The following RHPN1 variants were observed in gnomAD, a reference collection of about 807,000 sequenced individuals.
The protein encoded by RHPN1 is rhophilin Rho GTPase binding protein 1, also known as rhophilin-1.
A neutral mutation model predicts 74.7 loss-of-function variants in RHPN1; 77 were observed. The ratio of observed to expected loss-of-function variants is 1.03; its 90% CI spans 0.86 to 1.25. RHPN1 has a LOEUF of 1.25. RHPN1 is among the 50% of genes most tolerant of loss of function. The pLI is 0.00. For missense variants in RHPN1, 987 were observed against 932.2 expected (o/e 1.06, Z -0.77); for synonymous variants, 444 against 414.5 (o/e 1.07, Z -0.87).
intron 1 of RHPN1, among the ~76,000 whole-genome samples, chr8:143,372,219 G>T (rs1274211955): frequency 3.3e-5 from 5 of 152,048 alleles, no homozygotes; most frequent in Non-Finnish European, 7.4e-5. Flanking sequence ...CGGGGAGGGG[G>T]TGTAGCTGCG....
chr8:143,366,832 T>A (rs1194045438), upstream of RHPN1: 1 of 152,198 alleles, frequency 6.6e-6, no homozygotes, highest in Non-Finnish European at 1.5e-5. Flanking sequence ...GTCACTGATA[T>A]GGTAATGCCT....
chr8:143,382,732 C>T lies in RHPN1; in HGVS notation c.*81C>T. On this transcript the variant is annotated 3_prime_UTR_variant, in exon 15 of 15. Coordinates refer to ENST00000289013, the MANE Select transcript of RHPN1 (RefSeq NM_052924.3). ...CATGCCCTCCCCACCCAGAGGACCT[C>T]CGGGCAATGCCTGTCCCGCCTCATG... 1 of 1,203,336 alleles carries T rather than the reference C, an allele frequency of 8.3e-7. No homozygotes were observed. The highest frequency in any genetic ancestry group is 1.2e-6 in the Non-Finnish European group (1 of 858,522). 74.5% of individuals were successfully genotyped at this position (1,203,336 alleles called of 1,614,324 possible).
At chr8:143,371,172 GGCGTGCGT>G (rs1817796649) in intron 1 of RHPN1, among the ~76,000 whole-genome samples, 1 of 152,180 alleles carries the variant, frequency 6.6e-6, no homozygotes, top group African/African-American at 2.4e-5. Flanking sequence ...TGATTCCTCT[GGCGTGCGT>G]GCTGCTTATA....
At position 143,378,600 on chromosome 8, in the gene RHPN1, G is replaced by A. The variant is rs562873685; in HGVS notation, c.460-96G>A. On this transcript the variant is annotated intron_variant, in intron 5 of 14. Coordinates refer to ENST00000289013, the MANE Select transcript of RHPN1 (RefSeq NM_052924.3). ...AGGGCCCCACTGGCTTTGCCTCCCC[G>A]CCCCCCATGGTGCTGGTGCCCATGG... is the stretch of plus-strand genomic sequence containing the variant. 2.2e-4 allele frequency: 326 copies of A among 1,449,830 alleles called. 2 individuals are homozygous for A. In the African/African-American group the frequency reaches 3.3e-3, roughly 15 times the overall value. 89.8% of individuals were successfully genotyped at this position (1,449,830 alleles called of 1,614,324 possible).
At position 143,379,986 on chromosome 8, in the gene RHPN1, G is replaced by A. The variant is rs543746385; in HGVS notation, c.1102+1G>A. The A allele has an allele frequency of 2.8e-5, 43 of 1,559,216 alleles. No individual in the cohort carries two copies. The highest frequency in any genetic ancestry group is 3.3e-5 in the Non-Finnish European group (38 of 1,152,750). Reference sequence around the variant, plus strand: ...GCCATGGCCCTCTGCGACGGCTCCCGTGAGTGCCCACCACACTTGCCCATG... The same window carrying A: ...GCCATGGCCCTCTGCGACGGCTCCCATGAGTGCCCACCACACTTGCCCATG... On this transcript the variant is annotated splice_donor_variant, in intron 9 of 14. Coordinates refer to ENST00000289013, the MANE Select transcript of RHPN1 (RefSeq NM_052924.3). LOFTEE classifies it high-confidence loss of function.
chr8:143,380,360 T>C (rs959450168), intron 10 of RHPN1, 185 bp downstream of exon 10: 1 of 657,722 alleles, frequency 1.5e-6, no homozygotes, highest in Non-Finnish European at 2.5e-6. Context: ...CCAGGAGTGC[T>C]GGGCAGCCTC....
chr8:143,375,670 T>G lies in RHPN1; in HGVS notation c.176+2T>G, dbSNP rs1441741096. Reference sequence around the variant, plus strand: ...GACGGGCGCTGAGAACCTCTACAGGTCAGTGCTTGAGACTGCCCGGCCCCG... The same window carrying G: ...GACGGGCGCTGAGAACCTCTACAGGGCAGTGCTTGAGACTGCCCGGCCCCG... On this transcript the variant is annotated splice_donor_variant, in intron 2 of 14. Transcript: ENST00000289013. LOFTEE classifies it high-confidence loss of function. 11 of 1,602,214 alleles carry G rather than the reference T, an allele frequency of 6.9e-6. No homozygotes were observed. The highest frequency in any genetic ancestry group is 9.4e-6 in the Non-Finnish European group (11 of 1,175,140).
In RHPN1 at chr8:143,383,746, T is replaced by C. The variant is rs1818891044; in HGVS notation, c.*1095T>C. 1.3e-5 allele frequency: 2 copies of C among 152,100 alleles called. No homozygotes were observed. The highest frequency in any genetic ancestry group is 2.9e-5 in the Non-Finnish European group (2 of 68,030). The allele number at this position is 152,100 out of a possible 1,614,324, so 9.4% of individuals were successfully genotyped here. A position where few individuals can be genotyped will look rare whatever the true frequency, so the allele number is the denominator to read the frequency against. On this transcript the variant is annotated 3_prime_UTR_variant, in exon 15 of 15. Coordinates refer to ENST00000289013, the MANE Select transcript of RHPN1 (RefSeq NM_052924.3). ...GAAGAGACAGGGCCAGCGGGAGTCA[T>C]TCCCTGCAGCCACTAGGGGGCAGCC...
chr8:143,376,735 G>C (rs879753005), intron 3 of RHPN1, 82 bp downstream of exon 3: 8 of 1,436,512 alleles, frequency 5.6e-6, no homozygotes, highest in Non-Finnish European at 7.5e-6. Flanking sequence ...GCACGCATGT[G>C]TGTCTCTGTG....
chr8:143,369,942 T>G (rs1817715875), intron 1 of RHPN1, among the ~76,000 whole-genome samples: 1 of 152,234 alleles, frequency 6.6e-6, no homozygotes, highest in African/African-American at 2.4e-5. Context: ...TTCAGGTCAC[T>G]GGGCTGGTGA....
At position 143,368,919 on chromosome 8, in the gene RHPN1, G is replaced by A; in HGVS notation, c.-69G>A. 1 of 1,305,518 alleles carries A rather than the reference G, an allele frequency of 7.7e-7. No homozygotes were observed. Among genetic ancestry groups the A allele is most frequent in the Non-Finnish European group, 1.0e-6 (1 of 1,004,766 alleles). 80.9% of individuals were successfully genotyped at this position (1,305,518 alleles called of 1,614,324 possible). ...CAGGTGGTGCGGGCGGCCCTAGCCC[G>A]GCTGCGGAGCGCTGCGCGAGCGGCG... On this transcript the variant is annotated 5_prime_UTR_variant, in exon 1 of 15. Transcript: ENST00000289013.
Position 143,378,356 on chromosome 8 carries a change from T to TCCGCCCCCCCCCCCCCC in RHPN1, c.459+12_459+13insGCCCCCCCCCCCCCCCC. 6.6e-7 allele frequency: 1 copy of TCCGCCCCCCCCCCCCCC among 1,525,440 alleles called. No homozygotes were observed. Among genetic ancestry groups the TCCGCCCCCCCCCCCCCC allele is most frequent in the East Asian group, 2.5e-5 (1 of 40,516 alleles). 94.5% of individuals were successfully genotyped at this position (1,525,440 alleles called of 1,614,324 possible). On this transcript the variant is annotated intron_variant, in intron 5 of 14. Transcript: ENST00000289013. ...GGAGGCCCTGCGGCAGGTGTGTGGTTCCCCCGCCCACCCACCCTCCTGCAG... is the reference window on the plus strand; with the variant it reads ...GGAGGCCCTGCGGCAGGTGTGTGGTTCCGCCCCCCCCCCCCCCCCCCCGCCCACCCACCCTCCTGCAG...
chr8:143,371,673 C>T lies in RHPN1; in HGVS notation c.60+2626C>T, dbSNP rs543890084. 5.3e-5 allele frequency among the ~76,000 whole-genome samples: 8 copies of T among 152,358 alleles called. No individual in the cohort carries two copies. In the East Asian group the frequency reaches 1.3e-3, roughly 26 times the overall value. On this transcript the variant is annotated intron_variant, in intron 1 of 14. Coordinates refer to ENST00000289013, the MANE Select transcript of RHPN1 (RefSeq NM_052924.3). ...TTCTCTGTTCTTCGTCCCTCTCCAT[C>T]GAGGCATGGCCAGGCCCTTCATGTG...
chr8:143,374,861 C>T (rs1818107348), intron 1 of RHPN1, among the ~76,000 whole-genome samples: 1 of 152,250 alleles, frequency 6.6e-6, no homozygotes, highest in African/African-American at 2.4e-5. Context: ...CCCCGCTGGG[C>T]ACGCCCCACT....
Position 143,379,334 on chromosome 8 carries a change from G to A in RHPN1, c.771G>A (p.Arg257=), listed in dbSNP as rs367790401. The A allele has an allele frequency of 4.4e-5, 71 of 1,596,584 alleles. No individual in the cohort carries two copies. The highest frequency in any genetic ancestry group is 5.8e-5 in the Non-Finnish European group (68 of 1,169,858). ...QRAAGAFSLL[R]ENFSHAPSPD... ...CCGCAGGGGCCTTCAGCCTCCTGAG[G>A]GAGAACTTCTCCCATGCGCCGAGCC... The change falls in exon 8 of 15, where the codon AGG becomes AGA. Residue 257 remains arginine (R), a synonymous_variant. Coordinates refer to ENST00000289013, the MANE Select transcript of RHPN1 (RefSeq NM_052924.3).
chr8:143,364,970 C>T (rs575391778), upstream of RHPN1, among the ~76,000 whole-genome samples: 2 of 152,264 alleles, frequency 1.3e-5, no homozygotes, highest in Admixed American at 6.5e-5. This position sits in a 1 kb window ranked among gnomAD's most constrained non-coding sequence, Gnocchi z 4.5. Flanking sequence ...AGCGGGAGAG[C>T]GTGTTCTCTT....
At chr8:143,365,545 G>A (rs765711663), upstream of RHPN1, among the ~76,000 whole-genome samples, 3 of 152,204 alleles carry the variant, frequency 2.0e-5, no homozygotes, top group Non-Finnish European at 4.4e-5. Flanking sequence ...ATTGGGCCTT[G>A]GGTGAGTCAG....
chr8:143,383,081 A>C lies in RHPN1; in HGVS notation c.*430A>C, dbSNP rs1586838603. 1 of 209,706 alleles carries C rather than the reference A, an allele frequency of 4.8e-6. No homozygotes were observed. The highest frequency in any genetic ancestry group is 2.3e-5 in the African/African-American group (1 of 42,966). The allele number at this position is 209,706 out of a possible 1,614,324, so 13.0% of individuals were successfully genotyped here. The stretch of plus-strand genomic sequence containing the variant: ...GCACCCCTTCGCTCACTGCCCCTCC[A>C]CCATGCAGCAGCCAGACACACCCAC... On this transcript the variant is annotated 3_prime_UTR_variant, in exon 15 of 15. Coordinates refer to ENST00000289013, the MANE Select transcript of RHPN1 (RefSeq NM_052924.3).
intron 3 of RHPN1, among the ~76,000 whole-genome samples, chr8:143,376,868 A>AT (rs1445154178): frequency 0.019 from 56 of 2,966 alleles, no homozygotes; most frequent in Admixed American, 0.026. Flanking sequence ...CTCTGTGTGT[A>AT]TATGTGTGTG....
Sources: gnomAD v4.1 joint callset for allele counts (sites outside exome capture counted in the v4.1 genomes callset) on GRCh38, gnomAD v4.1.1 for gene constraint, Gnocchi (gnomAD v3.1) non-coding constraint, MANE v1.5 for transcripts, NCBI Gene and HGNC (gene_info 2026-07-23, HGNC 2026-07-21) for gene names.